ADGRB3: variants seen among roughly 807,000 people sequenced by gnomAD.
ADGRB3 encodes the protein adhesion G protein-coupled receptor B3.
A neutral mutation model predicts 193.4 loss-of-function variants in ADGRB3; 37 were observed. The ratio of observed to expected loss-of-function variants is 0.19; its 90% CI spans 0.15 to 0.25. The LOEUF (loss-of-function observed/expected upper bound fraction) is 0.25. ADGRB3 is among the 10% of genes least tolerant of loss of function. The pLI, the probability that ADGRB3 is intolerant of heterozygous loss-of-function variation, is 1.00. For missense variants in ADGRB3, 1,637 were observed against 1,852.9 expected (o/e 0.88, Z 2.14); for synonymous variants, 690 against 644.2 (o/e 1.07, Z -1.08).
chr6:68,826,288 C>T (rs1006536408), intron 3 of ADGRB3, among the ~76,000 whole-genome samples: 2 of 151,898 alleles, frequency 1.3e-5, no homozygotes, highest in Non-Finnish European at 2.9e-5. Flanking sequence ...AGAAAGTACA[C>T]CTTGAAATGG....
At chr6:68,668,153 GC>G (rs1768846866) in intron 3 of ADGRB3, among the ~76,000 whole-genome samples, 1 of 152,000 alleles carries the variant, frequency 6.6e-6, no homozygotes, top group Non-Finnish European at 1.5e-5. Flanking sequence ...AGCTGCTAGA[GC>G]CAAAAAACTG....
At chr6:69,202,156 A>G (rs1765439356) in intron 17 of ADGRB3, among the ~76,000 whole-genome samples, 1 of 152,090 alleles carries the variant, frequency 6.6e-6, no homozygotes, top group Non-Finnish European at 1.5e-5. Context: ...ATGTTTAATG[A>G]GGCTATGTTT....
chr6:69,171,722 T>G (rs1193433583), intron 17 of ADGRB3, among the ~76,000 whole-genome samples: 1 of 152,190 alleles, frequency 6.6e-6, no homozygotes, highest in South Asian at 2.1e-4. Context: ...GGCAGTCATC[T>G]TGCAACTACT....
intron 20 of ADGRB3, among the ~76,000 whole-genome samples, chr6:69,266,832 G>C (rs1403683688): frequency 6.6e-6 from 1 of 151,978 alleles, no homozygotes; most frequent in Non-Finnish European, 1.5e-5. Context: ...GGTAAAGGAA[G>C]ACAAAGATTT....
At chr6:68,963,510 A>G (rs2150259745) in intron 8 of ADGRB3, among the ~76,000 whole-genome samples, 1 of 152,266 alleles carries the variant, frequency 6.6e-6, no homozygotes, top group Non-Finnish European at 1.5e-5. Context: ...CAGCTTCAAT[A>G]GCTTTCCAAT....
At chr6:68,948,261 G>A (rs1393914620) in intron 6 of ADGRB3, among the ~76,000 whole-genome samples, 1 of 152,072 alleles carries the variant, frequency 6.6e-6, no homozygotes, top group African/African-American at 2.4e-5. Context: ...ATATGGTTTA[G>A]GTCTAACTAG....
At chr6:69,043,343 G>GAGAAAGAA (rs1161612429) in intron 13 of ADGRB3, among the ~76,000 whole-genome samples, 11 of 57,284 alleles carry the variant, frequency 1.9e-4, no homozygotes, top group Non-Finnish European at 3.2e-4. Flanking sequence ...AGAAAGAAAA[G>GAGAAAGAA]AAGATTAAGT....
intron 3 of ADGRB3, among the ~76,000 whole-genome samples, chr6:68,646,596 TTTG>T (rs1768222055): frequency 6.6e-6 from 1 of 152,148 alleles, no homozygotes; most frequent in African/African-American, 2.4e-5. Context: ...TATGTTTTTA[TTTG>T]TTGTTTTGTT....
chr6:69,325,168 A>G, intron 21 of ADGRB3, 146 bp downstream of exon 21: 1 of 1,077,674 alleles, frequency 9.3e-7, no homozygotes, highest in Non-Finnish European at 1.3e-6. Flanking sequence ...TCAGTTTTGA[A>G]CATTCATTGG....
At chr6:69,109,288 G>T (rs997629818) in intron 17 of ADGRB3, among the ~76,000 whole-genome samples, 2 of 152,146 alleles carry the variant, frequency 1.3e-5, no homozygotes, top group Non-Finnish European at 2.9e-5. Context: ...GGATGTAGAA[G>T]TTCCTTCACT....
intron 5 of ADGRB3, among the ~76,000 whole-genome samples, chr6:68,940,193 T>A (rs1767596605): frequency 6.6e-6 from 1 of 152,192 alleles, no homozygotes; most frequent in Non-Finnish European, 1.5e-5. Flanking sequence ...CAAAGAAAAT[T>A]GAGAAAAATA....
chr6:68,970,370 T>A, intron 8 of ADGRB3, among the ~76,000 whole-genome samples: 1 of 151,786 alleles, frequency 6.6e-6, no homozygotes, highest in East Asian at 1.9e-4. Context: ...CTGCAAACCC[T>A]GCCTCCCGGG....
chr6:69,325,058 A>G, intron 21 of ADGRB3, 36 bp downstream of exon 21: 2 of 1,591,618 alleles, frequency 1.3e-6, no homozygotes, highest in East Asian at 4.5e-5. Context: ...TGCTCTTCTC[A>G]AAATGACGTT....
chr6:69,083,787 T>A (rs867128696), intron 17 of ADGRB3, among the ~76,000 whole-genome samples: 4 of 149,936 alleles, frequency 2.7e-5, no homozygotes, highest in Non-Finnish European at 3.0e-5. Context: ...TTTTTTTTTT[T>A]TTTTTGAGAC....
chr6:69,215,610 A>T (rs2127244058), intron 17 of ADGRB3, among the ~76,000 whole-genome samples: 1 of 152,236 alleles, frequency 6.6e-6, no homozygotes, highest in Admixed American at 6.5e-5. Flanking sequence ...TTGAATAAAG[A>T]ATTATAAGAC....
At chr6:69,113,164 G>A (rs1773419309) in intron 17 of ADGRB3, among the ~76,000 whole-genome samples, 1 of 152,062 alleles carries the variant, frequency 6.6e-6, no homozygotes, top group Non-Finnish European at 1.5e-5. Context: ...CCTTGGGTGA[G>A]TACTGGAACC....
intron 3 of ADGRB3, among the ~76,000 whole-genome samples, chr6:68,751,112 C>A (rs990851262): frequency 6.6e-6 from 1 of 152,164 alleles, no homozygotes; most frequent in Non-Finnish European, 1.5e-5. Context: ...CTGAGAATAG[C>A]TAAGTCCAGG....
intron 3 of ADGRB3, 85 bp downstream of exon 3, chr6:68,639,517 A>C: frequency 7.2e-7 from 1 of 1,389,202 alleles, no homozygotes; most frequent in Non-Finnish European, 9.5e-7. Context: ...ACACAGGCCT[A>C]ATTATTTATC....
intron 3 of ADGRB3, among the ~76,000 whole-genome samples, chr6:68,734,089 A>G (rs1035987121): frequency 6.9e-6 from 1 of 145,156 alleles, no homozygotes; most frequent in African/African-American, 2.4e-5. Flanking sequence ...CAACTATGGT[A>G]TTTTTTTTCA....
Sources: gnomAD v4.1 joint callset for allele counts (sites outside exome capture counted in the v4.1 genomes callset) on GRCh38, gnomAD v4.1.1 for gene constraint, MANE v1.5 for transcripts, NCBI Gene and HGNC (gene_info 2026-07-23, HGNC 2026-07-21) for gene names.